CFAP61: variants seen among roughly 807,000 people sequenced by gnomAD.
The protein encoded by CFAP61 is cilia and flagella associated protein 61, also known as cilia- and flagella-associated protein 61.
A neutral mutation model predicts 135.6 loss-of-function variants in CFAP61; 107 were observed. The observed-to-expected ratio is 0.79, with a 90% CI of 0.67 to 0.93. CFAP61 has a LOEUF of 0.93. CFAP61 is among the 40% of genes least tolerant of loss of function. The pLI is 0.00. For synonymous variants in CFAP61, 575 were observed against 578.5 expected (o/e 0.99, Z 0.09); for missense variants, 1,507 against 1,556.2 (o/e 0.97, Z 0.53).
intron 25 of CFAP61, among the ~76,000 whole-genome samples, chr20:20,308,663 A>G (rs976059365): frequency 2.6e-5 from 4 of 152,200 alleles, no homozygotes; most frequent in African/African-American, 7.2e-5. Flanking sequence ...CTTGATTACT[A>G]ACATACTGTC....
intron 4 of CFAP61, 25 bp from the exon 5 acceptor site, chr20:20,075,164 G>A: frequency 6.2e-7 from 1 of 1,610,942 alleles, no homozygotes; most frequent in East Asian, 2.2e-5. Context: ...TAGTAACACT[G>A]CCCCACCCTC....
At chr20:20,063,695 A>G (rs769240993) in intron 2 of CFAP61, among the ~76,000 whole-genome samples, 1 of 152,204 alleles carries the variant, frequency 6.6e-6, no homozygotes. Flanking sequence ...GATCCTAGCT[A>G]TTGCAGTAAG....
chr20:20,207,214 G>A (rs1296343616), intron 17 of CFAP61, among the ~76,000 whole-genome samples: 1 of 152,198 alleles, frequency 6.6e-6, no homozygotes, highest in Non-Finnish European at 1.5e-5. Context: ...AATGCAGGAG[G>A]AAAATGGGGG....
At chr20:20,192,099 T>A (rs1389271071) in intron 15 of CFAP61, among the ~76,000 whole-genome samples, 1 of 152,094 alleles carries the variant, frequency 6.6e-6, no homozygotes, top group Admixed American at 6.5e-5. Flanking sequence ...CCTTGTAATA[T>A]TTATTATTAA....
chr20:20,105,098 C>T (rs929346404), intron 8 of CFAP61, among the ~76,000 whole-genome samples: 21 of 152,026 alleles, frequency 1.4e-4, no homozygotes, highest in Admixed American at 7.9e-4. Context: ...AATAGGGGGG[C>T]GGTATGTGTT....
At chr20:20,341,402 G>A (rs921557925) in intron 25 of CFAP61, among the ~76,000 whole-genome samples, 1 of 152,152 alleles carries the variant, frequency 6.6e-6, no homozygotes, top group African/African-American at 2.4e-5. Flanking sequence ...AAGGCAGCCT[G>A]TTTTTCTGGC....
chr20:20,320,495 A>T (rs1602000285), intron 25 of CFAP61, among the ~76,000 whole-genome samples: 1 of 9,458 alleles, frequency 1.1e-4, no homozygotes, highest in African/African-American at 3.2e-4. Flanking sequence ...AATATATGTA[A>T]TATATATTAT....
chr20:20,203,025 T>C (rs1400526461), intron 17 of CFAP61, among the ~76,000 whole-genome samples: 2 of 152,132 alleles, frequency 1.3e-5, no homozygotes, highest in Non-Finnish European at 2.9e-5. Flanking sequence ...AAGCAGTGAT[T>C]GAAATTCATC....
chr20:20,222,825 G>A (rs560444025), intron 17 of CFAP61, among the ~76,000 whole-genome samples: 3 of 152,206 alleles, frequency 2.0e-5, no homozygotes, highest in East Asian at 1.9e-4. Flanking sequence ...ACTTTGAGCC[G>A]CACCACTGTA....
At chr20:20,150,356 T>A (rs75105061) in intron 9 of CFAP61, among the ~76,000 whole-genome samples, 1 of 152,168 alleles carries the variant, frequency 6.6e-6, no homozygotes, top group Admixed American at 6.5e-5. Context: ...CAAATTCTTA[T>A]CCTGGCCAAC....
At chr20:20,161,013 C>T (rs2053353201) in intron 10 of CFAP61, among the ~76,000 whole-genome samples, 2 of 152,184 alleles carry the variant, frequency 1.3e-5, no homozygotes, top group African/African-American at 4.8e-5. Flanking sequence ...CCCTTCCTCA[C>T]CTCGCATGCC....
chr20:20,101,519 C>T (rs1369988545), intron 8 of CFAP61, among the ~76,000 whole-genome samples: 12 of 152,168 alleles, frequency 7.9e-5, no homozygotes, highest in Admixed American at 7.9e-4. Context: ...ATAGTCTTGG[C>T]AAGGTAACGT....
intron 17 of CFAP61, among the ~76,000 whole-genome samples, chr20:20,201,170 T>G (rs1450533445): frequency 2.6e-5 from 4 of 152,166 alleles, no homozygotes; most frequent in Non-Finnish European, 4.4e-5. Flanking sequence ...ATTATTAGAT[T>G]TAACAGACAT....
At chr20:20,272,356 G>A (rs2053422871) in intron 21 of CFAP61, among the ~76,000 whole-genome samples, 1 of 152,178 alleles carries the variant, frequency 6.6e-6, no homozygotes, top group Non-Finnish European at 1.5e-5. Context: ...ATGCCAGGAG[G>A]CAGAAGTTGC....
chr20:20,334,099 G>A (rs547909295), intron 25 of CFAP61, among the ~76,000 whole-genome samples: 4 of 152,314 alleles, frequency 2.6e-5, no homozygotes, highest in African/African-American at 9.6e-5. Context: ...CCCAGGGTGT[G>A]GGAGGCACCT....
intron 6 of CFAP61, among the ~76,000 whole-genome samples, chr20:20,079,279 T>C (rs2046268651): frequency 6.6e-6 from 1 of 152,188 alleles, no homozygotes; most frequent in African/African-American, 2.4e-5. Flanking sequence ...GTGCCAACCT[T>C]GCCACTCAGT....
chr20:20,294,906 G>A (rs2055291874), intron 24 of CFAP61, among the ~76,000 whole-genome samples: 1 of 150,012 alleles, frequency 6.7e-6, no homozygotes, highest in African/African-American at 2.4e-5. Context: ...CCGCAGTCCG[G>A]CCTGGGCGAC....
chr20:20,098,111 C>G (rs1399925973), intron 7 of CFAP61, among the ~76,000 whole-genome samples: 1 of 152,194 alleles, frequency 6.6e-6, no homozygotes, highest in Admixed American at 6.5e-5. Context: ...GTCAAGAACT[C>G]TGGCAATTTC....
At chr20:20,187,369 G>T (rs562433782) in intron 13 of CFAP61, among the ~76,000 whole-genome samples, 1 of 152,358 alleles carries the variant, frequency 6.6e-6, no homozygotes, top group African/African-American at 2.4e-5. Flanking sequence ...ATCATGGAGA[G>T]ACTGTGGGGA....
Sources: gnomAD v4.1 joint callset for allele counts (sites outside exome capture counted in the v4.1 genomes callset) on GRCh38, gnomAD v4.1.1 for gene constraint, MANE v1.5 for transcripts, NCBI Gene and HGNC (gene_info 2026-07-23, HGNC 2026-07-21) for gene names.